EVI5: variants seen among roughly 807,000 people sequenced by gnomAD.
The protein encoded by EVI5 is ecotropic viral integration site 5.
A neutral mutation model predicts 112.0 loss-of-function variants in EVI5; 73 were observed. That is an observed-to-expected ratio of 0.65 (90% CI 0.54 to 0.79). The LOEUF (loss-of-function observed/expected upper bound fraction) is 0.79, where lower values mean the gene tolerates loss of function less well. Among genes scored for constraint, EVI5 ranks in the 30% least tolerant of loss-of-function variants. The pLI, the probability that EVI5 is intolerant of heterozygous loss-of-function variation, is 0.00. For synonymous variants in EVI5, 305 were observed against 319.9 expected, an observed-to-expected ratio of 0.95 and a Z score of 0.50; for missense variants, 900 against 968.8, an observed-to-expected ratio of 0.93 and a Z score of 0.94.
chr1:92,761,833 C>T (rs565129649), intron 1 of EVI5, among the ~76,000 whole-genome samples: 1 of 152,266 alleles, frequency 6.6e-6, no homozygotes, highest in South Asian at 2.1e-4. Context: ...AAGACTAGTA[C>T]AAATGTAATA....
intron 13 of EVI5, among the ~76,000 whole-genome samples, chr1:92,653,226 T>C (rs1662439898): frequency 6.6e-6 from 1 of 152,190 alleles, no homozygotes; most frequent in Non-Finnish European, 1.5e-5. Context: ...AGACATTCCC[T>C]GGCATCTGCT....
chr1:92,757,887 G>C (rs1681187544), intron 1 of EVI5, among the ~76,000 whole-genome samples: 1 of 110,844 alleles, frequency 9.0e-6, no homozygotes, highest in Admixed American at 1.3e-4. Context: ...CTGGGCAAAA[G>C]AGTGAGCGAG....
At chr1:92,544,216 A>C (rs570126010) in intron 19 of EVI5, among the ~76,000 whole-genome samples, 3 of 152,212 alleles carry the variant, frequency 2.0e-5, no homozygotes, top group Non-Finnish European at 4.4e-5. Flanking sequence ...CTAAATGAGC[A>C]TAGGATTTCT....
intron 19 of EVI5, among the ~76,000 whole-genome samples, chr1:92,520,231 T>A (rs1215563970): frequency 6.6e-6 from 1 of 152,126 alleles, no homozygotes; most frequent in Non-Finnish European, 1.5e-5. Context: ...ACAAGAACAT[T>A]ATTTTCCAAC....
intron 13 of EVI5, among the ~76,000 whole-genome samples, chr1:92,652,899 G>A (rs1424589736): frequency 6.6e-6 from 1 of 152,174 alleles, no homozygotes; most frequent in Non-Finnish European, 1.5e-5. Context: ...AGATCGGCTA[G>A]GAACCCCGAG....
chr1:92,629,865 G>A (rs1275702914), intron 14 of EVI5, among the ~76,000 whole-genome samples: 1 of 134,642 alleles, frequency 7.4e-6, no homozygotes, highest in Non-Finnish European at 1.5e-5. Context: ...CCCTTCCTGT[G>A]TCCATGTGTT....
intron 16 of EVI5, among the ~76,000 whole-genome samples, chr1:92,621,647 C>T (rs1391684545): frequency 1.3e-5 from 2 of 152,110 alleles, no homozygotes; most frequent in African/African-American, 2.4e-5. Context: ...ACAGTTCACA[C>T]ATTATAAAAT....
intron 13 of EVI5, among the ~76,000 whole-genome samples, chr1:92,661,381 C>G (rs1324556250): frequency 6.6e-6 from 1 of 151,976 alleles, no homozygotes; most frequent in African/African-American, 2.4e-5. Context: ...GCATTCTATC[C>G]CTTTGATATA....
At chr1:92,527,812 A>T (rs367809511) in intron 19 of EVI5, among the ~76,000 whole-genome samples, 2 of 152,218 alleles carry the variant, frequency 1.3e-5, no homozygotes, top group Non-Finnish European at 2.9e-5. Flanking sequence ...ATGGTAGCTT[A>T]TGCTTTTCCG....
chr1:92,726,834 T>C (rs1403221669), intron 2 of EVI5, among the ~76,000 whole-genome samples: 1 of 152,190 alleles, frequency 6.6e-6, no homozygotes, highest in East Asian at 1.9e-4. Context: ...ACAGTACATG[T>C]GAAGTGGTAT....
At chr1:92,659,426 A>G (rs1663585822) in intron 13 of EVI5, among the ~76,000 whole-genome samples, 1 of 152,170 alleles carries the variant, frequency 6.6e-6, no homozygotes, top group African/African-American at 2.4e-5. Context: ...CTCCATTAAA[A>G]AGTGAGCAAA....
intron 1 of EVI5, among the ~76,000 whole-genome samples, chr1:92,780,688 G>A (rs1467477722): frequency 6.6e-6 from 1 of 152,042 alleles, no homozygotes; most frequent in Admixed American, 6.6e-5. Context: ...AAATGGTGCT[G>A]GATCAAACAG....
intron 19 of EVI5, among the ~76,000 whole-genome samples, chr1:92,523,619 G>T (rs1331610177): frequency 2.6e-5 from 4 of 152,050 alleles, no homozygotes; most frequent in African/African-American, 9.7e-5. Flanking sequence ...CATTAGATTT[G>T]CTATCTTCCA....
intron 1 of EVI5, chr1:92,755,756 G>A (rs1680862185): frequency 6.6e-6 from 1 of 152,384 alleles, no homozygotes; most frequent in African/African-American, 2.4e-5. Flanking sequence ...AGGCTGTGAG[G>A]GCCTCGGGGC....
chr1:92,631,480 TTGTC>T (rs1187869305), intron 14 of EVI5, among the ~76,000 whole-genome samples: 3 of 152,202 alleles, frequency 2.0e-5, no homozygotes, highest in Non-Finnish European at 2.9e-5. Flanking sequence ...GGCTCTCTGT[TTGTC>T]TGTTATTGGT....
chr1:92,652,348 G>A (rs1388577126), intron 13 of EVI5, among the ~76,000 whole-genome samples: 1 of 152,110 alleles, frequency 6.6e-6, no homozygotes, highest in Admixed American at 6.5e-5. Context: ...CTGGGAAGAT[G>A]GGAAAAGATT....
intron 2 of EVI5, among the ~76,000 whole-genome samples, chr1:92,710,750 G>T (rs1302139723): frequency 5.6e-5 from 2 of 35,556 alleles, no homozygotes; most frequent in African/African-American, 2.1e-4. Context: ...GTGAGATTGG[G>T]GTTGGGGGGG....
At chr1:92,759,524 T>C (rs1681477430) in intron 1 of EVI5, among the ~76,000 whole-genome samples, 1 of 152,222 alleles carries the variant, frequency 6.6e-6, no homozygotes, top group Admixed American at 6.5e-5. Context: ...AAATGTATGA[T>C]TCATGGCATT....
At position 92,548,328 on chromosome 1, in the gene EVI5, G is replaced by A. The variant is rs979064073; in HGVS notation, c.2166+15314C>T. 3.5e-4 allele frequency among the ~76,000 whole-genome samples: 54 copies of A among 152,196 alleles called. 1 individual carries two copies. The highest frequency in any genetic ancestry group is 1.2e-3 in the African/African-American group (50 of 41,504). Reference sequence around the variant, plus strand: ...CATGCTAAAAACTCTCAATAAATTCGGTATTGATTGGACGTATCTCAAAAT... The same window carrying A: ...CATGCTAAAAACTCTCAATAAATTCAGTATTGATTGGACGTATCTCAAAAT... On this transcript the variant is annotated intron_variant, in intron 19 of 19. Transcript: ENST00000684568.
Sources: allele counts gnomAD v4.1 joint callset (sites outside exome capture counted in the v4.1 genomes callset), GRCh38; gene constraint gnomAD v4.1.1; transcripts MANE v1.5; gene names NCBI Gene and HGNC (gene_info 2026-07-23, HGNC 2026-07-21).